PLEKHA5: variants seen among roughly 807,000 people sequenced by gnomAD.
PLEKHA5 encodes the protein pleckstrin homology domain containing A5, also known as pleckstrin homology domain-containing family A member 5.
A neutral mutation model predicts 181.9 loss-of-function variants in PLEKHA5; 55 were observed. That is an observed-to-expected ratio of 0.30 (90% confidence interval 0.24 to 0.38). The LOEUF (loss-of-function observed/expected upper bound fraction) is 0.38, where lower values mean the gene tolerates loss of function less well. Ranked by LOEUF, PLEKHA5 falls within the 10% of genes least tolerant of loss-of-function variation. The pLI is 1.00. For missense variants in PLEKHA5, 1,432 were observed against 1,549.5 expected (o/e 0.92, Z 1.27); for synonymous variants, 535 against 529.4 (o/e 1.01, Z -0.15).
chr12:19,303,295 TC>T, intron 15 of PLEKHA5, among the ~76,000 whole-genome samples: 1 of 152,134 alleles, frequency 6.6e-6, no homozygotes, highest in East Asian at 1.9e-4. Flanking sequence ...ATTAATTTTT[TC>T]TAAGGATGAA....
At chr12:19,333,647 C>T (rs545700478) in intron 20 of PLEKHA5, among the ~76,000 whole-genome samples, 21 of 138,386 alleles carry the variant, frequency 1.5e-4, no homozygotes, top group Non-Finnish European at 1.1e-4. Context: ...CTCGCACTGT[C>T]GCCCGAGCTG....
At chr12:19,157,992 T>C (rs1290021462) in intron 3 of PLEKHA5, among the ~76,000 whole-genome samples, 3 of 152,156 alleles carry the variant, frequency 2.0e-5, no homozygotes, top group South Asian at 2.1e-4. Flanking sequence ...CCTCTACTCA[T>C]GTCAACTAAT....
At position 19,130,281 on chromosome 12, in the gene PLEKHA5, GCCACGGGGACT is replaced by G. The variant is rs2033141278; in HGVS notation, c.169+154_169+164del. On this transcript the variant is annotated intron_variant, in intron 2 of 31. Transcript: ENST00000429027. The surrounding 1 kb of genome is among the most constrained non-coding windows in gnomAD (Gnocchi z 4.5). ...GGCGGGAGCGGCCGCAGGTAGAGGG[GCCACGGGGACT>G]CCGCCGCCGGGAGTTCTCTCCAGTC... 1 of 357,908 alleles carries G rather than the reference GCCACGGGGACT, an allele frequency of 2.8e-6. No individual in the cohort carries two copies. Among genetic ancestry groups the G allele is most frequent in the Non-Finnish European group, 4.8e-6 (1 of 206,620 alleles). 22.2% of individuals were successfully genotyped at this position (357,908 alleles called of 1,614,324 possible).
intron 3 of PLEKHA5, among the ~76,000 whole-genome samples, chr12:19,228,500 T>C (rs2059997653): frequency 6.6e-6 from 1 of 152,234 alleles, no homozygotes; most frequent in Non-Finnish European, 1.5e-5. Flanking sequence ...TCTAATTATA[T>C]GTCAGACACT....
intron 3 of PLEKHA5, among the ~76,000 whole-genome samples, chr12:19,146,113 A>T (rs1247441321): frequency 6.6e-6 from 1 of 152,196 alleles, no homozygotes; most frequent in Non-Finnish European, 1.5e-5. Context: ...CATTCAGATT[A>T]ATTTCTGGTT....
At chr12:19,305,584 C>T (rs898616160) in intron 15 of PLEKHA5, among the ~76,000 whole-genome samples, 7 of 141,852 alleles carry the variant, frequency 4.9e-5, no homozygotes, top group Non-Finnish European at 9.1e-5. Context: ...AGACCCAGCA[C>T]GGATGGCTTG....
At chr12:19,255,268 T>A (rs1233561542) in intron 5 of PLEKHA5, 103 bp downstream of exon 5, 3 of 642,616 alleles carry the variant, frequency 4.7e-6, no homozygotes, top group Non-Finnish European at 6.9e-6. Flanking sequence ...TACATTTTTA[T>A]TATTACATGA....
At position 19,130,443 on chromosome 12, in the gene PLEKHA5, T is replaced by A. The variant is rs1175276394; in HGVS notation, c.169+313T>A. The stretch of plus-strand genomic sequence containing the variant: ...CCTAGAGTGGCGACGCTCCCCTCCC[T>A]GAAACCTGGAGTCCTGAGTTTTTCC... On this transcript the variant is annotated intron_variant, in intron 2 of 31. Coordinates refer to ENST00000429027, the MANE Select transcript of PLEKHA5 (RefSeq NM_001256470.2). The surrounding 1 kb of genome is among the most constrained non-coding windows in gnomAD (Gnocchi z 4.5). 6.6e-6 allele frequency among the ~76,000 whole-genome samples: 1 copy of A among 151,364 alleles called. No homozygotes were observed. Among genetic ancestry groups the A allele is most frequent in the Non-Finnish European group, 1.5e-5 (1 of 67,816 alleles).
At chr12:19,205,770 G>A (rs1041945406) in intron 3 of PLEKHA5, among the ~76,000 whole-genome samples, 7 of 152,136 alleles carry the variant, frequency 4.6e-5, no homozygotes, top group African/African-American at 1.7e-4. Flanking sequence ...TTTTTGGACA[G>A]TATAGCATTT....
At chr12:19,361,366 G>C (rs1213754169) in intron 28 of PLEKHA5, among the ~76,000 whole-genome samples, 3 of 151,696 alleles carry the variant, frequency 2.0e-5, no homozygotes, top group Non-Finnish European at 4.4e-5. Context: ...TGTATTTTCA[G>C]TAGAGACAGT....
intron 4 of PLEKHA5, among the ~76,000 whole-genome samples, chr12:19,254,413 C>G (rs981337693): frequency 6.6e-6 from 1 of 152,152 alleles, no homozygotes; most frequent in Non-Finnish European, 1.5e-5. Flanking sequence ...AAGCTATTCA[C>G]AGAGTTAGTT....
At chr12:19,311,124 C>T (rs1016555280) in intron 15 of PLEKHA5, among the ~76,000 whole-genome samples, 6 of 151,912 alleles carry the variant, frequency 3.9e-5, no homozygotes, top group African/African-American at 7.3e-5. Flanking sequence ...TATTGCCCGT[C>T]GTAGAACCTC....
intron 3 of PLEKHA5, among the ~76,000 whole-genome samples, chr12:19,159,522 A>C: frequency 6.6e-6 from 1 of 152,174 alleles, no homozygotes; most frequent in Non-Finnish European, 1.5e-5. Context: ...ACAGACTTAT[A>C]GTTTTAACTT....
intron 3 of PLEKHA5, among the ~76,000 whole-genome samples, chr12:19,192,499 A>G (rs2051394671): frequency 6.6e-6 from 1 of 152,134 alleles, no homozygotes; most frequent in Non-Finnish European, 1.5e-5. Context: ...GGAGTTCAAG[A>G]CCAGCCTGGC....
intron 3 of PLEKHA5, among the ~76,000 whole-genome samples, chr12:19,166,242 CAACTTA>C (rs113247701): frequency 1.6e-4 from 25 of 152,192 alleles, no homozygotes; most frequent in Non-Finnish European, 2.8e-4. Context: ...GAAGAAAGTT[CAACTTA>C]AACTTAACAT....
intron 3 of PLEKHA5, among the ~76,000 whole-genome samples, chr12:19,208,859 G>C (rs914068418): frequency 3.3e-5 from 5 of 152,090 alleles, no homozygotes; most frequent in Middle Eastern, 3.2e-3. Flanking sequence ...TGAGAATGGA[G>C]ATAGATTGAG....
intron 3 of PLEKHA5, among the ~76,000 whole-genome samples, chr12:19,253,200 G>A (rs551869789): frequency 8.8e-5 from 13 of 147,222 alleles, no homozygotes; most frequent in African/African-American, 3.2e-4. Context: ...TCAGCCTCCC[G>A]AGTAGCTGGG....
At chr12:19,343,458 TTG>T (rs745721564) in intron 22 of PLEKHA5, 24 bp downstream of exon 22, 1 of 1,316,438 alleles carries the variant, frequency 7.6e-7, no homozygotes. Flanking sequence ...GCATTTTATT[TTG>T]TGACTGACCA....
intron 3 of PLEKHA5, among the ~76,000 whole-genome samples, chr12:19,167,621 C>T (rs373841044): frequency 6.6e-6 from 1 of 151,860 alleles, no homozygotes; most frequent in African/African-American, 2.4e-5. Context: ...GATTATTTGG[C>T]CTCTACTGTG....
Sources: allele counts gnomAD v4.1 joint callset (sites outside exome capture counted in the v4.1 genomes callset), GRCh38; gene constraint gnomAD v4.1.1; non-coding constraint Gnocchi (gnomAD v3.1); transcripts MANE v1.5; gene names NCBI Gene and HGNC (gene_info 2026-07-23, HGNC 2026-07-21).